The following KIFAP3 variants were observed in gnomAD, a reference collection of about 807,000 sequenced individuals.
The protein encoded by KIFAP3 is kinesin associated protein 3, also known as kinesin-associated protein 3.
In KIFAP3, 68 loss-of-function variants were observed where a neutral mutation model predicts 106.5. The ratio of observed to expected loss-of-function variants is 0.64; its 90% CI spans 0.53 to 0.78. The LOEUF is 0.78. Ranked by LOEUF, KIFAP3 falls within the 30% of genes least tolerant of loss-of-function variation. The pLI is 0.00. For synonymous variants in KIFAP3, 320 were observed against 311.5 expected (o/e 1.03, Z -0.29); for missense variants, 780 against 941.8 (o/e 0.83, Z 2.25).
At chr1:170,027,575 A>T (rs1028077128) in intron 8 of KIFAP3, among the ~76,000 whole-genome samples, 12 of 152,214 alleles carry the variant, frequency 7.9e-5, no homozygotes, top group Non-Finnish European at 1.8e-4. Context: ...AGATGAAATT[A>T]ACAGCAGTTT....
intron 2 of KIFAP3, among the ~76,000 whole-genome samples, chr1:170,051,347 T>C (rs1187695651): frequency 6.9e-6 from 1 of 145,390 alleles, no homozygotes; most frequent in Non-Finnish European, 1.5e-5. Flanking sequence ...AACAAGTTCT[T>C]AGAGACCTAC....
chr1:170,026,659 T>C (rs1571689963), intron 8 of KIFAP3, among the ~76,000 whole-genome samples: 1 of 152,126 alleles, frequency 6.6e-6, no homozygotes, highest in East Asian at 1.9e-4. Flanking sequence ...CTCCCTCAAA[T>C]ACTGAGTTGA....
At chr1:170,007,695 A>C (rs1323624054) in intron 10 of KIFAP3, among the ~76,000 whole-genome samples, 2 of 152,184 alleles carry the variant, frequency 1.3e-5, no homozygotes, top group Non-Finnish European at 2.9e-5. Context: ...CATACTACCC[A>C]AAGTAATTTA....
At chr1:169,963,925 T>A (rs1205656999) in intron 17 of KIFAP3, among the ~76,000 whole-genome samples, 2 of 151,352 alleles carry the variant, frequency 1.3e-5, no homozygotes, top group African/African-American at 4.9e-5. Context: ...TAATAAACAT[T>A]TTTATTCAAC....
At chr1:169,975,580 T>A (rs182242664) in intron 16 of KIFAP3, among the ~76,000 whole-genome samples, 1 of 152,234 alleles carries the variant, frequency 6.6e-6, no homozygotes, top group East Asian at 1.9e-4. Flanking sequence ...AATTCTGTTT[T>A]TTCAACTCCA....
chr1:170,015,802 T>C (rs2101999316), intron 10 of KIFAP3, among the ~76,000 whole-genome samples: 1 of 152,286 alleles, frequency 6.6e-6, no homozygotes, highest in African/African-American at 2.4e-5. Context: ...CTAAGAAAGT[T>C]AGCATTATGT....
intron 1 of KIFAP3, among the ~76,000 whole-genome samples, chr1:170,070,998 A>C (rs916405644): frequency 1.3e-5 from 2 of 152,366 alleles, no homozygotes; most frequent in South Asian, 2.1e-4. Flanking sequence ...GCTCAATGTC[A>C]TTAGTAATTA....
chr1:169,956,129 G>A (rs1421345472), intron 18 of KIFAP3, among the ~76,000 whole-genome samples: 1 of 152,072 alleles, frequency 6.6e-6, no homozygotes, highest in Non-Finnish European at 1.5e-5. Context: ...TAAGAAACCT[G>A]CCAATTTTAG....
chr1:169,981,329 G>A (rs947974098), intron 15 of KIFAP3, among the ~76,000 whole-genome samples: 4 of 152,092 alleles, frequency 2.6e-5, no homozygotes, highest in African/African-American at 9.7e-5. Context: ...TCCAAGACAT[G>A]AATCATCCCT....
intron 17 of KIFAP3, 60 bp from the exon 18 acceptor site, chr1:169,961,295 G>T: frequency 7.4e-7 from 1 of 1,353,534 alleles, no homozygotes; most frequent in Non-Finnish European, 1.0e-6. Flanking sequence ...CACTCAGACG[G>T]CAATATTTTT....
At chr1:170,057,533 TAC>T in intron 1 of KIFAP3, among the ~76,000 whole-genome samples, 1 of 150,582 alleles carries the variant, frequency 6.6e-6, no homozygotes, top group Middle Eastern at 3.5e-3. Flanking sequence ...TTACCACATA[TAC>T]ATTCAGATAT....
At chr1:169,924,861 T>A (rs77605974) in intron 19 of KIFAP3, among the ~76,000 whole-genome samples, 1 of 152,122 alleles carries the variant, frequency 6.6e-6, no homozygotes, top group Non-Finnish European at 1.5e-5. Flanking sequence ...AAAGGCAACG[T>A]TGCAGGAAAA....
At chr1:169,977,841 ATGTT>A (rs1558213476) in intron 16 of KIFAP3, among the ~76,000 whole-genome samples, 1 of 152,118 alleles carries the variant, frequency 6.6e-6, no homozygotes, top group East Asian at 1.9e-4. Flanking sequence ...AAGTTCTGAT[ATGTT>A]TGTTAAGTTT....
chr1:170,063,101 A>G (rs1671269082), intron 1 of KIFAP3, among the ~76,000 whole-genome samples: 1 of 152,160 alleles, frequency 6.6e-6, no homozygotes, highest in African/African-American at 2.4e-5. Context: ...AAAGGCCCCA[A>G]TATTAGAATT....
At chr1:170,078,522 T>C (rs917588387), upstream of KIFAP3, among the ~76,000 whole-genome samples, 3 of 152,136 alleles carry the variant, frequency 2.0e-5, no homozygotes, top group African/African-American at 7.2e-5. Context: ...AATGATAATT[T>C]GAAAATTATG....
chr1:170,048,096 T>C (rs149425885), intron 2 of KIFAP3, among the ~76,000 whole-genome samples: 1 of 152,324 alleles, frequency 6.6e-6, no homozygotes, highest in East Asian at 1.9e-4. Context: ...TGTAGATGAT[T>C]TCTCCCGAAA....
At position 170,054,153 on chromosome 1, in the gene KIFAP3, AAAAC is replaced by A. The variant is rs1331691381; in HGVS notation, c.164+1148_164+1151del. On this transcript the variant is annotated intron_variant, in intron 2 of 19. Transcript: ENST00000361580. ...GAACTTAAACAAATTTACAAGAGAA[AAAAC>A]AAACAACCCCTTCAAATAGTGGGCA... Among the ~76,000 whole-genome samples the A allele has an allele frequency of 3.9e-5, 6 of 152,338 alleles. No homozygotes were observed. In the East Asian group the frequency reaches 7.7e-4, roughly 20 times the overall value.
intron 19 of KIFAP3, among the ~76,000 whole-genome samples, chr1:169,938,607 A>G (rs1663935185): frequency 6.6e-6 from 1 of 152,294 alleles, no homozygotes; most frequent in Middle Eastern, 3.4e-3. Context: ...ACGTCTATTG[A>G]GAACCTAGTG....
intron 18 of KIFAP3, 57 bp from the exon 19 acceptor site, chr1:169,954,167 A>G: frequency 1.1e-6 from 1 of 951,162 alleles, no homozygotes; most frequent in Non-Finnish European, 1.7e-6. Context: ...AAACCTGTCT[A>G]TCAAGCAATA....
Sources: allele counts gnomAD v4.1 joint callset (sites outside exome capture counted in the v4.1 genomes callset), GRCh38; gene constraint gnomAD v4.1.1; transcripts MANE v1.5; gene names NCBI Gene and HGNC (gene_info 2026-07-23, HGNC 2026-07-21).